Variants in CACNA1A observed in about 807,000 individuals in gnomAD.
CACNA1A encodes the protein voltage-dependent P/Q-type calcium channel subunit alpha-1A.
Under a neutral mutation model 262.4 loss-of-function variants are expected in CACNA1A, and 57 were observed. The ratio of observed to expected loss-of-function variants is 0.22; its 90% CI spans 0.18 to 0.27. CACNA1A has a LOEUF of 0.27. Ranked by LOEUF, CACNA1A falls within the 10% of genes least tolerant of loss-of-function variation. The pLI is 1.00. For missense variants in CACNA1A, 2,526 were observed against 3,562.8 expected, an observed-to-expected ratio of 0.71 and a Z score of 7.41; for synonymous variants, 1,431 against 1,419.3, an observed-to-expected ratio of 1.01 and a Z score of -0.18.
intron 3 of CACNA1A, among the ~76,000 whole-genome samples, chr19:13,389,394 C>A (rs1431807619): frequency 6.6e-6 from 1 of 152,050 alleles, no homozygotes; most frequent in East Asian, 1.9e-4. Flanking sequence ...CTGCCCCTAA[C>A]AGACCTGGTA....
At chr19:13,476,734 C>T (rs1244027195) in intron 1 of CACNA1A, among the ~76,000 whole-genome samples, 5 of 152,082 alleles carry the variant, frequency 3.3e-5, no homozygotes, top group Admixed American at 1.3e-4. Flanking sequence ...CATTTTATCA[C>T]AATAAAAAAA....
chr19:13,209,109 G>A, intron 45 of CACNA1A, 100 bp from the exon 46 acceptor site: 1 of 1,488,310 alleles, frequency 6.7e-7, no homozygotes, highest in Non-Finnish European at 9.0e-7. Flanking sequence ...GGGGGCCCTA[G>A]AGATCCCCTG....
Position 13,268,558 on chromosome 19 carries a change from C to A in CACNA1A, c.3990-5725G>T, listed in dbSNP as rs759440469. On this transcript the variant is annotated intron_variant, in intron 24 of 46. Coordinates refer to ENST00000360228, the MANE Select transcript of CACNA1A (RefSeq NM_001127222.2). ...ACGCCATTCTCCTTCCTCAGCCTCC[C>A]GAGTGCTGGGACTACAGGCGCCCAC... Among the ~76,000 whole-genome samples, 6 of 151,944 alleles carry A rather than the reference C, an allele frequency of 3.9e-5. No individual in the cohort carries two copies. In the South Asian group the frequency reaches 1.3e-3, roughly 32 times the overall value.
At chr19:13,391,961 C>T (rs113407367) in intron 3 of CACNA1A, among the ~76,000 whole-genome samples, 7,198 of 146,552 alleles carry the variant, frequency 0.049, 291 homozygotes, top group African/African-American at 0.12. Context: ...CGCATGAGCC[C>T]GGGAGGTCAA....
At chr19:13,467,424 T>C (rs1357147449) in intron 1 of CACNA1A, among the ~76,000 whole-genome samples, 1 of 151,990 alleles carries the variant, frequency 6.6e-6, no homozygotes, top group African/African-American at 2.4e-5. Context: ...AAGGCTGCAG[T>C]GAGCTGTGAT....
chr19:13,376,925 T>TTA (rs35224316), intron 3 of CACNA1A, among the ~76,000 whole-genome samples: 12,670 of 141,326 alleles, frequency 0.09, 972 homozygotes, highest in East Asian at 0.32. Context: ...TACATATATG[T>TTA]TATATATATA....
chr19:13,502,640 C>T (rs1409738905), intron 1 of CACNA1A, among the ~76,000 whole-genome samples: 2 of 152,110 alleles, frequency 1.3e-5, no homozygotes, highest in Admixed American at 6.5e-5. Flanking sequence ...GAGAAAAACA[C>T]GGCAATGTAA....
At chr19:13,411,667 CCTCTCTCTCTTTCTCTCTCTTTCTCCTT>C (rs1568619030) in intron 3 of CACNA1A, among the ~76,000 whole-genome samples, 1 of 150,924 alleles carries the variant, frequency 6.6e-6, no homozygotes, top group Non-Finnish European at 1.5e-5. Flanking sequence ...CCTTGACTTC[CCTCTCTCTCTTTCTCTCTCTTTCTCCTT>C]CTCTCTCTCT....
At chr19:13,465,770 T>C (rs2061223666) in intron 1 of CACNA1A, among the ~76,000 whole-genome samples, 1 of 152,222 alleles carries the variant, frequency 6.6e-6, no homozygotes, top group Admixed American at 6.5e-5. Context: ...ATTACAGGTG[T>C]AAGCCACTGT....
At chr19:13,388,656 G>A (rs1053430640) in intron 3 of CACNA1A, among the ~76,000 whole-genome samples, 1 of 152,048 alleles carries the variant, frequency 6.6e-6, no homozygotes, top group Non-Finnish European at 1.5e-5. Flanking sequence ...TCTGTATGAC[G>A]CCTGTCTCTT....
intron 3 of CACNA1A, among the ~76,000 whole-genome samples, chr19:13,449,365 A>G (rs2144918676): frequency 6.6e-6 from 1 of 152,238 alleles, no homozygotes; most frequent in Non-Finnish European, 1.5e-5. Context: ...GAGTGCAGTC[A>G]TAGCTCACTA....
chr19:13,222,862 T>A (rs1274025746), intron 38 of CACNA1A, among the ~76,000 whole-genome samples: 5 of 151,876 alleles, frequency 3.3e-5, no homozygotes, highest in Non-Finnish European at 7.4e-5. Context: ...ACCCGGCTAC[T>A]TTTTGTATTT....
chr19:13,329,831 G>A (rs1344584515), intron 10 of CACNA1A, among the ~76,000 whole-genome samples: 1 of 148,214 alleles, frequency 6.7e-6, no homozygotes, highest in African/African-American at 2.5e-5. Context: ...ACACAATAAT[G>A]GCTTATTGCA....
rs571528548 is a variant in CACNA1A at position 13,268,530 on chromosome 19, T to G, written c.3990-5697A>C. The stretch of plus-strand genomic sequence containing the variant: ...CTCACTGCAAGCTCCGCCTCCCAGG[T>G]TCACGCCATTCTCCTTCCTCAGCCT... On this transcript the variant is annotated intron_variant, in intron 24 of 46. Transcript: ENST00000360228. 4.0e-5 allele frequency among the ~76,000 whole-genome samples: 6 copies of G among 151,432 alleles called. No homozygotes were observed. The East Asian group carries it at 1.2e-3, about 30-fold the overall frequency.
chr19:13,324,510 T>C (rs2058314551), intron 10 of CACNA1A, among the ~76,000 whole-genome samples: 1 of 152,196 alleles, frequency 6.6e-6, no homozygotes, highest in African/African-American at 2.4e-5. Flanking sequence ...GACTGAATCA[T>C]TCTATGATGT....
intron 15 of CACNA1A, chr19:13,307,542 G>A: frequency 2.1e-6 from 1 of 483,862 alleles, no homozygotes; most frequent in Non-Finnish European, 3.7e-6. Flanking sequence ...CCAAAGTGCT[G>A]GGATTATGGG....
intron 3 of CACNA1A, among the ~76,000 whole-genome samples, chr19:13,427,657 C>T (rs550870802): frequency 6.6e-6 from 1 of 151,934 alleles, no homozygotes; most frequent in Non-Finnish European, 1.5e-5. Flanking sequence ...GAAAAACAAC[C>T]CTTTTAGGAT....
At chr19:13,388,774 A>G (rs1599347384) in intron 3 of CACNA1A, among the ~76,000 whole-genome samples, 1 of 152,088 alleles carries the variant, frequency 6.6e-6, no homozygotes, top group African/African-American at 2.4e-5. Context: ...ATTTGGCCTT[A>G]TAGGAGTGCA....
At chr19:13,319,522 C>A (rs2058203304) in intron 10 of CACNA1A, among the ~76,000 whole-genome samples, 1 of 152,080 alleles carries the variant, frequency 6.6e-6, no homozygotes, top group Non-Finnish European at 1.5e-5. Flanking sequence ...TTATCAAAAC[C>A]ACCCCACTTG....
Sources: allele counts gnomAD v4.1 joint callset (sites outside exome capture counted in the v4.1 genomes callset), GRCh38; gene constraint gnomAD v4.1.1; transcripts MANE v1.5; gene names NCBI Gene and HGNC (gene_info 2026-07-23, HGNC 2026-07-21).